The following PDLIM1 variants were observed in gnomAD, a reference collection of about 807,000 sequenced individuals.
PDLIM1 encodes the protein PDZ and LIM domain 1, also known as PDZ and LIM domain protein 1.
PDLIM1 carries 25 observed loss-of-function variants against 35.2 expected under a neutral mutation model. That is an observed-to-expected ratio of 0.71 (90% CI 0.52 to 0.99). The LOEUF (loss-of-function observed/expected upper bound fraction) is 0.99. Among genes scored for constraint, PDLIM1 ranks in the 50% least tolerant of loss-of-function variants. PDLIM1 has a pLI of 0.00. For missense variants in PDLIM1, 363 were observed against 415.3 expected, an observed-to-expected ratio of 0.87 and a Z score of 1.09; for synonymous variants, 152 against 154.0, an observed-to-expected ratio of 0.99 and a Z score of 0.10.
At chr10:95,268,957 A>G in intron 2 of PDLIM1, 95 bp from the exon 3 acceptor site, 1 of 855,248 alleles carries the variant, frequency 1.2e-6, no homozygotes, top group East Asian at 2.6e-5. Context: ...TTCCTGGACT[A>G]GGCACTGAAC....
chr10:95,257,966 T>C (rs1375191426), intron 4 of PDLIM1, among the ~76,000 whole-genome samples: 1 of 152,212 alleles, frequency 6.6e-6, no homozygotes, highest in African/African-American at 2.4e-5. Context: ...CTGGGCAATT[T>C]ACAGAGAAAG....
intron 4 of PDLIM1, among the ~76,000 whole-genome samples, chr10:95,261,047 G>A (rs2035358245): frequency 1.3e-5 from 2 of 152,176 alleles, no homozygotes; most frequent in Non-Finnish European, 1.5e-5. Context: ...GACCCTCTCT[G>A]CTGAGAAAAT....
intron 2 of PDLIM1, among the ~76,000 whole-genome samples, chr10:95,269,778 CTGGAG>C (rs1406106375): frequency 6.6e-6 from 1 of 152,036 alleles, no homozygotes; most frequent in African/African-American, 2.4e-5. Flanking sequence ...GTCGCCCAGG[CTGGAG>C]TGCAATGAAT....
At position 95,270,867 on chromosome 10, in the gene PDLIM1, C is replaced by T. The variant is rs560065047; in HGVS notation, c.248+766G>A. 1.9e-3 allele frequency among the ~76,000 whole-genome samples: 295 copies of T among 152,052 alleles called. 3 individuals carry two copies. The highest frequency in any genetic ancestry group is 3.4e-3 in the Middle Eastern group (1 of 294). On this transcript the variant is annotated intron_variant, in intron 2 of 6. Transcript: ENST00000329399. Reference sequence around the variant, plus strand: ...CTGGGTTCAAGTGATTCTCCTGCCTCGGCCTCCCGAGTAGCTGGAACTACA... The same window carrying T: ...CTGGGTTCAAGTGATTCTCCTGCCTTGGCCTCCCGAGTAGCTGGAACTACA...
At chr10:95,257,038 G>GAAAGAAAGAAAGAAAGAAAGAAAGA (rs1440640324) in intron 4 of PDLIM1, among the ~76,000 whole-genome samples, 1 of 129,774 alleles carries the variant, frequency 7.7e-6, no homozygotes, top group Non-Finnish European at 1.6e-5. Flanking sequence ...AAGAAAGAAA[G>GAAAGAAAGAAAGAAAGAAAGAAAGA]AATTCAAAAT....
intron 5 of PDLIM1, among the ~76,000 whole-genome samples, chr10:95,241,056 G>A (rs1438579804): frequency 6.7e-6 from 1 of 148,490 alleles, no homozygotes; most frequent in Non-Finnish European, 1.5e-5. Context: ...CAAGAGCAAA[G>A]AAACAGCTTC....
At chr10:95,276,562 CAA>C (rs1398003640) in intron 1 of PDLIM1, among the ~76,000 whole-genome samples, 1 of 152,178 alleles carries the variant, frequency 6.6e-6, no homozygotes, top group African/African-American at 2.4e-5. Flanking sequence ...CAATCCTTGC[CAA>C]ACACTATTTA....
intron 1 of PDLIM1, among the ~76,000 whole-genome samples, chr10:95,276,360 T>C (rs1393128125): frequency 2.6e-5 from 4 of 151,520 alleles, no homozygotes; most frequent in Admixed American, 6.6e-5. Flanking sequence ...ACCTGGAGTG[T>C]CACAAAGTCC....
At chr10:95,249,213 CCT>C (rs1482142750) in intron 4 of PDLIM1, among the ~76,000 whole-genome samples, 4 of 152,220 alleles carry the variant, frequency 2.6e-5, no homozygotes, top group African/African-American at 9.6e-5. Context: ...CTGTGCTCCC[CCT>C]GTTCCTGCAG....
intron 4 of PDLIM1, among the ~76,000 whole-genome samples, chr10:95,263,588 A>C (rs1182094483): frequency 6.6e-6 from 1 of 152,216 alleles, no homozygotes; most frequent in African/African-American, 2.4e-5. Context: ...AAATCAAAAC[A>C]CAAATAAAAA....
intron 4 of PDLIM1, among the ~76,000 whole-genome samples, chr10:95,258,012 G>T (rs966913253): frequency 1.1e-4 from 16 of 152,202 alleles, no homozygotes; most frequent in Non-Finnish European, 1.5e-5. Context: ...CATGGCTGGG[G>T]TGGCCTCACA....
In PDLIM1 at chr10:95,237,746, A is replaced by C; in HGVS notation, c.*179T>G. On this transcript the variant is annotated 3_prime_UTR_variant, in exon 7 of 7. Transcript: ENST00000329399. ...AAAACAGTTTTCCTTTAATTGTAAA[A>C]GCGGGCATCGCACAGCTGGTGTGAG... 1 of 580,904 alleles carries C rather than the reference A, an allele frequency of 1.7e-6. No individual in the cohort carries two copies. Among genetic ancestry groups the C allele is most frequent in the Admixed American group, 3.1e-5 (1 of 32,622 alleles). 36.0% of individuals were successfully genotyped at this position (580,904 alleles called of 1,614,324 possible).
At position 95,237,852 on chromosome 10, in the gene PDLIM1, G is replaced by A. The variant is rs11872; in HGVS notation, c.*73C>T. On this transcript the variant is annotated 3_prime_UTR_variant, in exon 7 of 7. Transcript: ENST00000329399. ...AAGTAAGCAGAGAACTTTCAAGAGAGGAGAGGGCCAGAACACTGAGAGAAA... is the reference window on the plus strand; with the variant it reads ...AAGTAAGCAGAGAACTTTCAAGAGAAGAGAGGGCCAGAACACTGAGAGAAA... The A allele has an allele frequency of 0.062, 81,714 of 1,317,924 alleles. 3,274 individuals are homozygous for A. Among genetic ancestry groups the A allele is most frequent in the South Asian group, 0.15 (11,206 of 72,682 alleles). The allele number at this position is 1,317,924 out of a possible 1,614,324, so 81.6% of individuals were successfully genotyped here.
rs35965171 is a variant in PDLIM1 at position 95,242,678 on chromosome 10, C to CA, written c.686-3994dup. Reference sequence around the variant, plus strand: ...CTCCAAACCTAGGCGACAGAGGTCTCAAAAAAAAAAAAAAAATTCTGCCCT... The same window carrying CA: ...CTCCAAACCTAGGCGACAGAGGTCTCAAAAAAAAAAAAAAAAATTCTGCCCT... On this transcript the variant is annotated intron_variant, in intron 5 of 6. Transcript: ENST00000329399. 3.6e-3 allele frequency among the ~76,000 whole-genome samples: 492 copies of CA among 137,634 alleles called. 3 individuals are homozygous for CA. The highest frequency in any genetic ancestry group is 8.7e-3 in the African/African-American group (322 of 37,058). 90.3% of individuals were successfully genotyped at this position (137,634 alleles called of 152,430 possible). A position where few individuals can be genotyped will look rare whatever the true frequency, so the allele number is the denominator to read the frequency against.
intron 1 of PDLIM1, among the ~76,000 whole-genome samples, chr10:95,289,887 G>GCACTGAAC (rs1469966705): frequency 2.0e-5 from 3 of 152,250 alleles, no homozygotes; most frequent in Non-Finnish European, 2.9e-5. Flanking sequence ...TGGTGCCCAA[G>GCACTGAAC]CACTGAACGT....
chr10:95,247,465 G>T, intron 4 of PDLIM1, 99 bp from the exon 5 acceptor site: 1 of 948,220 alleles, frequency 1.1e-6, no homozygotes, highest in Non-Finnish European at 1.6e-6. Flanking sequence ...TTTGAAGGAT[G>T]GATAGAAATG....
At chr10:95,285,109 T>C (rs1312543815) in intron 1 of PDLIM1, among the ~76,000 whole-genome samples, 2 of 152,212 alleles carry the variant, frequency 1.3e-5, no homozygotes, top group Non-Finnish European at 2.9e-5. Flanking sequence ...CAAGCAGGTC[T>C]TTCTCTAGCC....
chr10:95,281,310 G>A (rs986481595), intron 1 of PDLIM1, among the ~76,000 whole-genome samples: 12 of 151,784 alleles, frequency 7.9e-5, no homozygotes, highest in African/African-American at 2.2e-4. Context: ...AGGCAGGGAT[G>A]GCTCATGCCT....
chr10:95,280,875 A>G (rs1046992904), intron 1 of PDLIM1, among the ~76,000 whole-genome samples: 6 of 152,182 alleles, frequency 3.9e-5, no homozygotes, highest in Non-Finnish European at 8.8e-5. Context: ...TGATATTTGC[A>G]AGGATGAGGC....
Sources: gnomAD v4.1 joint callset for allele counts (sites outside exome capture counted in the v4.1 genomes callset) on GRCh38, gnomAD v4.1.1 for gene constraint, MANE v1.5 for transcripts, NCBI Gene and HGNC (gene_info 2026-07-23, HGNC 2026-07-21) for gene names.